ASCC3: variants seen among roughly 807,000 people sequenced by gnomAD.
ASCC3 encodes activating signal cointegrator 1 complex subunit 3.
A neutral mutation model predicts 256.3 loss-of-function variants in ASCC3; 158 were observed. The observed-to-expected ratio is 0.62, with a 90% confidence interval of 0.54 to 0.70. ASCC3 has a LOEUF of 0.70. Among genes scored for constraint, ASCC3 ranks in the 30% least tolerant of loss-of-function variants. ASCC3 has a pLI of 0.00. For missense variants in ASCC3, 2,259 were observed against 2,626.0 expected (o/e 0.86, Z 3.05); for synonymous variants, 948 against 883.4 (o/e 1.07, Z -1.30).
At position 100,508,671 on chromosome 6, in the gene ASCC3, A is replaced by C. The variant is rs908712876; in HGVS notation, c.*715T>G. 6.6e-6 allele frequency: 1 copy of C among 152,236 alleles called. No individual in the cohort carries two copies. The highest frequency in any genetic ancestry group is 1.5e-5 in the Non-Finnish European group (1 of 68,034). The allele number at this position is 152,236 out of a possible 1,614,324, so 9.4% of individuals were successfully genotyped here. A position where few individuals can be genotyped will look rare whatever the true frequency, so the allele number is the denominator to read the frequency against. On this transcript the variant is annotated 3_prime_UTR_variant, in exon 42 of 42. Transcript: ENST00000369162. Reference sequence around the variant, plus strand: ...CTTGAAGTAGAAGGGAAAGAAAAGAAGAACAGATGAGTAAGGGGATATTAT... The same window carrying C: ...CTTGAAGTAGAAGGGAAAGAAAAGACGAACAGATGAGTAAGGGGATATTAT...
In ASCC3 at chr6:100,696,710, A is replaced by T. The variant is rs1347077034; in HGVS notation, c.2152-16958T>A. Among the ~76,000 whole-genome samples the T allele has an allele frequency of 1.3e-5, 2 of 152,102 alleles. 1 individual carries two copies. The highest frequency in any genetic ancestry group is 3.8e-4 in the East Asian group (2 of 5,204). On this transcript the variant is annotated intron_variant, in intron 13 of 41. Transcript: ENST00000369162. ...CATTATTTTAGCATGACTAAAGGCT[A>T]TACTTAAACAACAATAAATTAATTC...
In ASCC3 at chr6:100,671,505, T is replaced by C. The variant is rs147847608; in HGVS notation, c.2286+8113A>G. 5.1e-3 allele frequency among the ~76,000 whole-genome samples: 783 copies of C among 152,160 alleles called. 6 individuals are homozygous for C. The highest frequency in any genetic ancestry group is 0.018 in the African/African-American group (753 of 41,560). On this transcript the variant is annotated intron_variant, in intron 14 of 41. Coordinates refer to ENST00000369162, the MANE Select transcript of ASCC3 (RefSeq NM_006828.4). ...AAATCCAGCACAAAAGAATACCAGCTGTGAAAAGGTAAAGGAAGTAAGGTA... is the reference window on the plus strand; with the variant it reads ...AAATCCAGCACAAAAGAATACCAGCCGTGAAAAGGTAAAGGAAGTAAGGTA...
intron 8 of ASCC3, among the ~76,000 whole-genome samples, chr6:100,770,039 GGA>G (rs1781845743): frequency 1.3e-5 from 2 of 151,552 alleles, no homozygotes; most frequent in African/African-American, 4.8e-5. Context: ...AATTTTAAGT[GGA>G]GTTTTAAACT....
chr6:100,611,509 T>C (rs1359336804), intron 30 of ASCC3, among the ~76,000 whole-genome samples: 1 of 152,084 alleles, frequency 6.6e-6, no homozygotes, highest in Non-Finnish European at 1.5e-5. Context: ...ACAATAGATA[T>C]AATTTGTTGA....
chr6:100,781,447 G>A (rs538001178), intron 8 of ASCC3, among the ~76,000 whole-genome samples: 4 of 152,082 alleles, frequency 2.6e-5, no homozygotes, highest in Admixed American at 6.6e-5. Flanking sequence ...GCAGTGGTGC[G>A]ATCTTGGCTC....
At chr6:100,712,751 C>CTTTTTT (rs58286754) in intron 13 of ASCC3, among the ~76,000 whole-genome samples, 1 of 69,750 alleles carries the variant, frequency 1.4e-5, no homozygotes, top group African/African-American at 5.4e-5. Flanking sequence ...CAATTATACT[C>CTTTTTT]TTTTTTTTTT....
chr6:100,623,178 C>T (rs563319621), intron 30 of ASCC3, among the ~76,000 whole-genome samples: 1 of 152,134 alleles, frequency 6.6e-6, no homozygotes, highest in African/African-American at 2.4e-5. Flanking sequence ...GATGATTATT[C>T]AGATATCAAT....
At chr6:100,830,819 C>A (rs927615048) in intron 4 of ASCC3, among the ~76,000 whole-genome samples, 1 of 152,110 alleles carries the variant, frequency 6.6e-6, no homozygotes, top group Non-Finnish European at 1.5e-5. Context: ...GTTATGGGAA[C>A]CTATACTCAT....
At chr6:100,660,163 T>G (rs1459794984) in intron 16 of ASCC3, among the ~76,000 whole-genome samples, 2 of 151,582 alleles carry the variant, frequency 1.3e-5, no homozygotes, top group Non-Finnish European at 3.0e-5. Flanking sequence ...TTACTACATT[T>G]TATATAAAAG....
At chr6:100,868,691 A>C (rs1048828838) in intron 1 of ASCC3, among the ~76,000 whole-genome samples, 10 of 152,268 alleles carry the variant, frequency 6.6e-5, no homozygotes, top group African/African-American at 2.2e-4. Flanking sequence ...TCTCCCCAGC[A>C]AATAGACAAC....
At chr6:100,676,548 C>G (rs776819234) in intron 14 of ASCC3, among the ~76,000 whole-genome samples, 45 of 152,126 alleles carry the variant, frequency 3.0e-4, no homozygotes, top group Non-Finnish European at 4.9e-4. Context: ...CTTTCCTTTC[C>G]CTACATTCTT....
At chr6:100,644,246 CATTT>C (rs1775272512) in intron 22 of ASCC3, 117 bp from the exon 23 acceptor site, 2 of 725,242 alleles carry the variant, frequency 2.8e-6, no homozygotes, top group Non-Finnish European at 4.9e-6. Flanking sequence ...AAAGTTTACT[CATTT>C]AAACATTTCA....
intron 1 of ASCC3, among the ~76,000 whole-genome samples, chr6:100,870,393 C>A (rs942056444): frequency 2.0e-5 from 3 of 151,484 alleles, no homozygotes; most frequent in Admixed American, 1.3e-4. Flanking sequence ...GTTTGGCAAG[C>A]GCAGTCTCTG....
At chr6:100,690,578 C>T (rs927815104) in intron 13 of ASCC3, among the ~76,000 whole-genome samples, 2 of 152,048 alleles carry the variant, frequency 1.3e-5, no homozygotes, top group Admixed American at 6.6e-5. Context: ...ATTAGATATT[C>T]CTGGCAACCA....
At chr6:100,716,130 G>C (rs185825848) in intron 12 of ASCC3, among the ~76,000 whole-genome samples, 3 of 151,726 alleles carry the variant, frequency 2.0e-5, no homozygotes, top group Non-Finnish European at 3.0e-5. Context: ...AAGTATTTAA[G>C]GTTATGGATA....
rs117593831 is a variant in ASCC3, at chr6:100,776,634, C to T, written c.1396-9289G>A. Among the ~76,000 whole-genome samples the T allele has an allele frequency of 3.1e-3, 467 of 152,092 alleles. 5 individuals carry two copies. The highest frequency in any genetic ancestry group is 0.02 in the South Asian group (95 of 4,826). On this transcript the variant is annotated intron_variant, in intron 8 of 41. Transcript: ENST00000369162. ...TTAAATACTGGTAATACAGGCTACT[C>T]GTGAGTGCGCACTCTATTTTTAAAA...
chr6:100,635,277 A>C (rs1055033790), intron 25 of ASCC3, among the ~76,000 whole-genome samples: 1 of 152,160 alleles, frequency 6.6e-6, no homozygotes, highest in African/African-American at 2.4e-5. Context: ...GAATGAAATC[A>C]GCCATTTTCA....
rs762833224 is a variant in ASCC3, at chr6:100,601,840, T to A, written c.5273A>T (p.Tyr1758Phe). ...ATTCATGATAAGACGTCGGAAAAAG[T>A]AAGTCCAGGTGATATAATCCAATGC... ...QDALDYITWT[Y>F]FFRRLIMNPS... Residue 1758 changes from tyrosine (Y) to phenylalanine (F), a missense_variant, in exon 34 of 42, where the codon TAC (tyrosine) becomes TTC (phenylalanine). Physicochemically the swap from Tyr to Phe is conservative, Grantham distance 22. Coordinates refer to ENST00000369162, the MANE Select transcript of ASCC3 (RefSeq NM_006828.4). 1 of 1,612,630 alleles carries A rather than the reference T, an allele frequency of 6.2e-7. No individual in the cohort carries two copies. The highest frequency in any genetic ancestry group is 8.5e-7 in the Non-Finnish European group (1 of 1,178,944).
chr6:100,684,103 AAC>A (rs1400865512), intron 13 of ASCC3, among the ~76,000 whole-genome samples: 5 of 152,232 alleles, frequency 3.3e-5, no homozygotes, highest in Admixed American at 6.5e-5. Flanking sequence ...ATGCTTAAGT[AAC>A]ACATACTGTT....
Sources: gnomAD v4.1 joint callset for allele counts (sites outside exome capture counted in the v4.1 genomes callset) on GRCh38, gnomAD v4.1.1 for gene constraint, MANE v1.5 for transcripts, NCBI Gene and HGNC (gene_info 2026-07-23, HGNC 2026-07-21) for gene names.